The following EAPP variants were observed in gnomAD, a reference collection of about 807,000 sequenced individuals.
EAPP encodes E2F associated phosphoprotein, also known as E2F-associated phosphoprotein.
A neutral mutation model predicts 34.3 loss-of-function variants in EAPP; 38 were observed. The observed-to-expected ratio is 1.11, with a 90% CI of 0.85 to 1.45. EAPP has a LOEUF of 1.45. EAPP is among the 40% of genes most tolerant of loss of function. EAPP has a pLI of 0.00. For synonymous variants in EAPP, 113 were observed against 117.6 expected (o/e 0.96, Z 0.25); for missense variants, 338 against 343.7 (o/e 0.98, Z 0.13).
chr14:34,523,870 T>C (rs1372455583), intron 5 of EAPP, among the ~76,000 whole-genome samples: 1 of 152,094 alleles, frequency 6.6e-6, no homozygotes, highest in Non-Finnish European at 1.5e-5. Context: ...TTAATATAAC[T>C]ATATATAATC....
chr14:34,539,482 C>A (rs1423358570), intron 1 of EAPP, 73 bp downstream of exon 1: 21 of 1,502,098 alleles, frequency 1.4e-5, no homozygotes, highest in Non-Finnish European at 1.9e-5. Flanking sequence ...GCTCGGCAGG[C>A]GCAACGAATG....
At chr14:34,524,400 A>C (rs1301143245) in intron 5 of EAPP, among the ~76,000 whole-genome samples, 1 of 151,932 alleles carries the variant, frequency 6.6e-6, no homozygotes, top group East Asian at 1.9e-4. Context: ...ACAAAACAAA[A>C]CAAAACTATA....
At chr14:34,527,748 C>G (rs1880142291) in intron 4 of EAPP, among the ~76,000 whole-genome samples, 1 of 152,152 alleles carries the variant, frequency 6.6e-6, no homozygotes, top group Admixed American at 6.6e-5. Context: ...TAAGAAATAT[C>G]TAAAATAAGC....
At chr14:34,532,135 G>T (rs1156929331) in intron 3 of EAPP, among the ~76,000 whole-genome samples, 1 of 151,476 alleles carries the variant, frequency 6.6e-6, no homozygotes, top group Non-Finnish European at 1.5e-5. Context: ...CATAGAGGCT[G>T]ATTAAAAATC....
chr14:34,516,693 A>G, intron 5 of EAPP, 107 bp from the exon 6 acceptor site: 1 of 1,132,986 alleles, frequency 8.8e-7, no homozygotes, highest in Non-Finnish European at 1.2e-6. Flanking sequence ...TACCAACCAA[A>G]GACAAGACAC....
chr14:34,536,737 G>C (rs1880491151), intron 1 of EAPP, among the ~76,000 whole-genome samples: 1 of 151,892 alleles, frequency 6.6e-6, no homozygotes. Flanking sequence ...TTTTGAAACA[G>C]AGTCTCGCTC....
intron 4 of EAPP, among the ~76,000 whole-genome samples, chr14:34,525,105 A>T (rs56801633): frequency 1.3e-5 from 2 of 151,950 alleles, no homozygotes; most frequent in East Asian, 3.9e-4. Flanking sequence ...ATTACAACCC[A>T]AAGTATAAAT....
At chr14:34,523,607 G>C (rs1449780424) in intron 5 of EAPP, among the ~76,000 whole-genome samples, 6 of 149,184 alleles carry the variant, frequency 4.0e-5, no homozygotes, top group African/African-American at 1.5e-4. Flanking sequence ...GGTGGTCACA[G>C]CCCACTGCAG....
In EAPP at chr14:34,526,968, C is replaced by G. The variant is rs374879897; in HGVS notation, c.471-2161G>C. 4.6e-5 allele frequency among the ~76,000 whole-genome samples: 7 copies of G among 151,532 alleles called. No individual in the cohort carries two copies. In the East Asian group the frequency reaches 9.7e-4, roughly 21 times the overall value. On this transcript the variant is annotated intron_variant, in intron 4 of 5. Coordinates refer to ENST00000250454, the MANE Select transcript of EAPP (RefSeq NM_018453.4). ...GGTGGATCATCTGAGGTCAGGAGTTCGAGACCAGCCTGACCAACATGGAGA... is the reference window on the plus strand; with the variant it reads ...GGTGGATCATCTGAGGTCAGGAGTTGGAGACCAGCCTGACCAACATGGAGA...
chr14:34,523,269 G>A (rs1452498654), intron 5 of EAPP, among the ~76,000 whole-genome samples: 17 of 144,308 alleles, frequency 1.2e-4, no homozygotes, highest in Admixed American at 8.8e-4. Flanking sequence ...ACGGAGTCTC[G>A]CTCTGTTGCC....
intron 1 of EAPP, among the ~76,000 whole-genome samples, chr14:34,537,292 T>C (rs1348475940): frequency 2.0e-5 from 3 of 152,226 alleles, no homozygotes; most frequent in African/African-American, 7.2e-5. Flanking sequence ...ATTACAGATG[T>C]GAGCCACTGC....
At chr14:34,524,675 G>C in intron 5 of EAPP, 22 bp downstream of exon 5, 1 of 1,263,194 alleles carries the variant, frequency 7.9e-7, no homozygotes, top group Non-Finnish European at 1.2e-6. Flanking sequence ...GTGTGTGTGT[G>C]TGTGTGTCCT....
Position 34,528,030 on chromosome 14 carries a change from A to G in EAPP, c.470+1328T>C, listed in dbSNP as rs1309723073. 2.0e-5 allele frequency among the ~76,000 whole-genome samples: 3 copies of G among 147,678 alleles called. No homozygotes were observed. The Admixed American group carries it at 2.1e-4, about 11-fold the overall frequency. On this transcript the variant is annotated intron_variant, in intron 4 of 5. Transcript: ENST00000250454. Reference sequence around the variant, plus strand: ...GCTACTCCATAAGCAGTGTACCTAGAGTAGCCTCATCTCAATTTTTTTTTT... The same window carrying G: ...GCTACTCCATAAGCAGTGTACCTAGGGTAGCCTCATCTCAATTTTTTTTTT...
chr14:34,521,928 C>G lies in EAPP; in HGVS notation c.581+2769G>C, dbSNP rs564877026. Among the ~76,000 whole-genome samples, 274 of 152,012 alleles carry G rather than the reference C, an allele frequency of 1.8e-3. 2 individuals are homozygous for G. Among genetic ancestry groups the G allele is most frequent in the African/African-American group, 6.3e-3 (263 of 41,460 alleles). On this transcript the variant is annotated intron_variant, in intron 5 of 5. Coordinates refer to ENST00000250454, the MANE Select transcript of EAPP (RefSeq NM_018453.4). ...GGATTACAGGCGTGAGCCACTGTGC[C>G]CGGCTGAGTTCCCAGATTTCTGTTT... is the stretch of plus-strand genomic sequence containing the variant.
At chr14:34,524,890 C>T (rs1019335240) in intron 4 of EAPP, 83 bp from the exon 5 acceptor site, 2 of 1,044,190 alleles carry the variant, frequency 1.9e-6, no homozygotes, top group Non-Finnish European at 1.5e-6. Flanking sequence ...TAAAAAGAAC[C>T]AGTACTATTC....
chr14:34,517,722 T>G (rs1879784886), intron 5 of EAPP, among the ~76,000 whole-genome samples: 1 of 152,006 alleles, frequency 6.6e-6, no homozygotes, highest in Admixed American at 6.6e-5. Context: ...GGGTCTCAAT[T>G]TCATTCATTC....
intron 5 of EAPP, among the ~76,000 whole-genome samples, chr14:34,523,186 G>C (rs1879973387): frequency 1.3e-5 from 2 of 152,032 alleles, no homozygotes; most frequent in Admixed American, 6.6e-5. Context: ...ATTCTGCAGG[G>C]GGAAGGAGAG....
chr14:34,534,862 C>T (rs1235508978), intron 2 of EAPP, among the ~76,000 whole-genome samples: 4 of 147,650 alleles, frequency 2.7e-5, no homozygotes, highest in South Asian at 2.1e-4. Flanking sequence ...TTTTTTGAGA[C>T]GGAGTCTAGC....
At chr14:34,526,789 T>C (rs1365201574) in intron 4 of EAPP, among the ~76,000 whole-genome samples, 1 of 151,584 alleles carries the variant, frequency 6.6e-6, no homozygotes, top group Non-Finnish European at 1.5e-5. Context: ...GGGGGATCAT[T>C]TGAGCCCAGG....
Sources: allele counts gnomAD v4.1 joint callset (sites outside exome capture counted in the v4.1 genomes callset), GRCh38; gene constraint gnomAD v4.1.1; transcripts MANE v1.5; gene names NCBI Gene and HGNC (gene_info 2026-07-23, HGNC 2026-07-21).